Variants in NOP16 observed in about 807,000 individuals in gnomAD.
The protein encoded by NOP16 is nucleolar protein 16.
NOP16 carries 14 observed loss-of-function variants against 22.7 expected under a neutral mutation model. That is an observed-to-expected ratio of 0.62 (90% CI 0.41 to 0.97). The LOEUF is 0.97. NOP16 is among the 50% of genes least tolerant of loss of function. The probability of loss-of-function intolerance (pLI) is 0.00; values close to 1 mark genes in which losing one functional copy is unlikely to be tolerated. For synonymous variants in NOP16, 80 were observed against 83.6 expected (o/e 0.96, Z 0.23); for missense variants, 198 against 235.9 (o/e 0.84, Z 1.05).
intron 4 of NOP16, chr5:176,384,966 C>G: frequency 1.7e-6 from 1 of 580,312 alleles, no homozygotes; most frequent in African/African-American, 1.9e-5. Context: ...GTCTTGAAAA[C>G]AAAAACAAAC....
chr5:176,388,227 G>A lies in NOP16; in HGVS notation c.216+8C>T, dbSNP rs937262782. On this transcript the variant is annotated splice_region_variant and intron_variant, in intron 2 of 4. Transcript: ENST00000614830. ...AAGACAAGGACCGAGACCCTGCCAT[G>A]TCAGTACCTTTCTCTTACGGAGGGG... The A allele has an allele frequency of 1.3e-5, 20 of 1,596,914 alleles. No individual in the cohort carries two copies. Among genetic ancestry groups the A allele is most frequent in the Non-Finnish European group, 1.6e-5 (19 of 1,164,670 alleles).
Position 176,384,350 on chromosome 5 carries a change from A to G in NOP16, c.418T>C (p.Tyr140His). 1 of 1,613,996 alleles carries G rather than the reference A, an allele frequency of 6.2e-7. No homozygotes were observed. The highest frequency in any genetic ancestry group is 8.5e-7 in the Non-Finnish European group (1 of 1,179,924). The part of the protein sequence containing the change: ...YKAMARDEKN[Y>H]YQDTPKQIRS... Reference sequence around the variant, plus strand: ...ATCTGTTTTGGGGTATCTTGATAGTAATTCTTCTCATCACGGGCCATGGCC... The same window carrying G: ...ATCTGTTTTGGGGTATCTTGATAGTGATTCTTCTCATCACGGGCCATGGCC... Residue 140 changes from tyrosine to histidine, a missense_variant, in exon 5 of 5, where the codon TAC becomes CAC. By Grantham distance (83) the Tyr-to-His change is moderately conservative (BLOSUM62 2). Coordinates refer to ENST00000614830, the MANE Select transcript of NOP16 (RefSeq NM_016391.8).
In NOP16 at chr5:176,385,256, G is replaced by A. The variant is rs35916027; in HGVS notation, c.358C>T (p.Arg120Cys). Residue 120 changes from arginine (R) to cysteine (C), a missense_variant, in exon 4 of 5, where the codon CGC becomes TGC. Transcript: ENST00000614830. ...TCCCCGTGGTTCTCTACCATGTAGC[G>A]TACATAGTCAATGAGGTCCCGAGAC... ...TLSRDLIDYV[R>C]YMVENHGEDY... The A allele has an allele frequency of 5.4e-3, 8,760 of 1,611,344 alleles. 29 individuals carry two copies. Among genetic ancestry groups the A allele is most frequent in the Non-Finnish European group, 6.5e-3 (7,679 of 1,177,418 alleles).
intron 4 of NOP16, chr5:176,384,994 G>C (rs1240363202): frequency 1.7e-6 from 1 of 574,734 alleles, no homozygotes; most frequent in African/African-American, 1.9e-5. Context: ...CACCATGCGA[G>C]CAAAACATTT....
chr5:176,385,156 GC>G, intron 4 of NOP16, 64 bp downstream of exon 4: 2 of 874,060 alleles, frequency 2.3e-6, no homozygotes, highest in Non-Finnish European at 4.0e-6. Context: ...TGCTGCGCAA[GC>G]AGATCAAGCC....
In NOP16 at chr5:176,386,955, G is replaced by C. The variant is rs943949370; in HGVS notation, c.217-46C>G. ...GAGACCAGAAGGATCTTTGATGAGG[G>C]AAAGTTATAGACTCCTGCTTATCCC... is the stretch of plus-strand genomic sequence containing the variant. On this transcript the variant is annotated intron_variant, in intron 2 of 4. Coordinates refer to ENST00000614830, the MANE Select transcript of NOP16 (RefSeq NM_016391.8). The C allele has an allele frequency of 2.0e-6, 3 of 1,521,200 alleles. No homozygotes were observed. In the African/African-American group the frequency reaches 4.1e-5, roughly 21 times the overall value. The allele number at this position is 1,521,200 out of a possible 1,614,324, so 94.2% of individuals were successfully genotyped here. A position where few individuals can be genotyped will look rare whatever the true frequency, so the allele number is the denominator to read the frequency against.
chr5:176,384,499 G>A (rs1200504258), intron 4 of NOP16, 125 bp from the exon 5 acceptor site: 2 of 922,360 alleles, frequency 2.2e-6, no homozygotes, highest in Non-Finnish European at 3.3e-6. Context: ...CTCAAAGGCT[G>A]TGGTGCACCG....
intron 2 of NOP16, 149 bp from the exon 3 acceptor site, chr5:176,387,058 G>T: frequency 1.6e-6 from 1 of 628,192 alleles, no homozygotes; most frequent in Non-Finnish European, 2.8e-6. Context: ...ATGCCCTGGA[G>T]GCTTTTTCTC....
In NOP16 at chr5:176,384,222, G is replaced by A. The variant is rs867353370; in HGVS notation, c.*9C>T. On this transcript the variant is annotated 3_prime_UTR_variant, in exon 5 of 5. Transcript: ENST00000614830. Reference sequence around the variant, plus strand: ...CGCCTCAGCCTGGGGCAGCTGTGATGTAAACCAGTCACTCCACCTCCATCT... The same window carrying A: ...CGCCTCAGCCTGGGGCAGCTGTGATATAAACCAGTCACTCCACCTCCATCT... The A allele has an allele frequency of 2.0e-5, 32 of 1,614,104 alleles. No homozygotes were observed. Among genetic ancestry groups the A allele is most frequent in the Middle Eastern group, 1.6e-4 (1 of 6,084 alleles).
chr5:176,384,133 C>T lies in NOP16; in HGVS notation c.*98G>A, dbSNP rs1755638985. On this transcript the variant is annotated 3_prime_UTR_variant, in exon 5 of 5. Transcript: ENST00000614830. ...CTGATTCCATGGGACCTGGCCAGCTCCTCTGGAGCCACACAGCACCTCCTT... is the reference window on the plus strand; with the variant it reads ...CTGATTCCATGGGACCTGGCCAGCTTCTCTGGAGCCACACAGCACCTCCTT... 1 of 1,612,382 alleles carries T rather than the reference C, an allele frequency of 6.2e-7. No homozygotes were observed. The highest frequency in any genetic ancestry group is 8.5e-7 in the Non-Finnish European group (1 of 1,179,924).
rs768904952 is a variant in NOP16 at position 176,385,276 on chromosome 5, C to T, written c.338G>A (p.Arg113Gln). ...GTAGCGTACATAGTCAATGAGGTCC[C>T]GAGACAGAGTATTTCCTTTCTTTTC... Reference protein sequence around the residue: ...LPEKKGNTLSRDLIDYVRYMV... With the variant: ...LPEKKGNTLSQDLIDYVRYMV... Residue 113 changes from arginine (R) to glutamine (Q), a missense_variant, in exon 4 of 5, where the codon CGG (arginine) becomes CAG (glutamine). By Grantham distance (43) the Arg-to-Gln change is conservative. Transcript: ENST00000614830. 1.1e-5 allele frequency: 18 copies of T among 1,613,394 alleles called. No individual in the cohort carries two copies. The highest frequency in any genetic ancestry group is 2.7e-5 in the African/African-American group (2 of 74,900).
chr5:176,384,787 G>A (rs1378446097), intron 4 of NOP16: 2 of 377,594 alleles, frequency 5.3e-6, no homozygotes, highest in Non-Finnish European at 9.5e-6. Context: ...AGACCAGGAA[G>A]GCCTGAGAGT....
At chr5:176,385,923 G>A (rs1019108992) in intron 3 of NOP16, 1 of 152,618 alleles carries the variant, frequency 6.6e-6, no homozygotes, top group African/African-American at 2.4e-5. Context: ...GAGAGAGAAA[G>A]AGCTACCTCA....
chr5:176,384,870 G>C (rs539801045), intron 4 of NOP16: 1 of 495,368 alleles, frequency 2.0e-6, no homozygotes, highest in Non-Finnish European at 3.6e-6. Context: ...TCCTACTTGG[G>C]CCCAGGGGTC....
chr5:176,385,182 G>T, intron 4 of NOP16, 39 bp downstream of exon 4: 1 of 1,171,134 alleles, frequency 8.5e-7, no homozygotes, highest in Non-Finnish European at 1.3e-6. Context: ...ATGGTCCAGG[G>T]CGCCTTCCCA....
chr5:176,387,783 T>C (rs1262811998), intron 2 of NOP16, among the ~76,000 whole-genome samples: 1 of 152,110 alleles, frequency 6.6e-6, no homozygotes, highest in Non-Finnish European at 1.5e-5. Flanking sequence ...ACGCTTATAA[T>C]CCCAGCTATT....
chr5:176,388,442 C>G lies in NOP16; in HGVS notation c.98G>C (p.Arg33Pro), dbSNP rs775419543. ...NRNARRKAAP[R>P]IECSHIRHAW... ...ACCCCAGCCCCCTCACCATTCGATC[C>G]GCGGCGCTGCCTTCCGTCGAGCATT... The change falls in exon 1 of 5, where the codon CGG becomes CCG. Residue 33 changes from arginine (R) to proline (P), a missense_variant. Coordinates refer to ENST00000614830, the MANE Select transcript of NOP16 (RefSeq NM_016391.8). 1.9e-5 allele frequency: 31 copies of G among 1,614,188 alleles called. No homozygotes were observed.
intron 2 of NOP16, among the ~76,000 whole-genome samples, 160 bp downstream of exon 2, chr5:176,388,075 G>C (rs1756027737): frequency 6.6e-6 from 1 of 152,216 alleles, no homozygotes; most frequent in Non-Finnish European, 1.5e-5. Context: ...GTCGTAAAGA[G>C]ACCCTTGCTC....
chr5:176,388,440 T>TCCGCG lies in NOP16; in HGVS notation c.95_99dup (p.Ile34ArgfsTer42). 1.2e-6 allele frequency: 2 copies of TCCGCG among 1,614,170 alleles called. No individual in the cohort carries two copies. The highest frequency in any genetic ancestry group is 8.5e-7 in the Non-Finnish European group (1 of 1,180,006). ...GAACCCCAGCCCCCTCACCATTCGA[T>TCCGCG]CCGCGGCGCTGCCTTCCGTCGAGCA... On this transcript the variant is annotated frameshift_variant, in exon 1 of 5. Coordinates refer to ENST00000614830, the MANE Select transcript of NOP16 (RefSeq NM_016391.8). LOFTEE classifies it high-confidence loss of function.
Sources: gnomAD v4.1 joint callset for allele counts (sites outside exome capture counted in the v4.1 genomes callset) on GRCh38, gnomAD v4.1.1 for gene constraint, MANE v1.5 for transcripts, NCBI Gene and HGNC (gene_info 2026-07-23, HGNC 2026-07-21) for gene names.